Variants in CDH23 observed in about 807,000 individuals in gnomAD.
The protein encoded by CDH23 is cadherin related 23, also known as cadherin-23.
In CDH23, 189 loss-of-function variants were observed where a neutral mutation model predicts 317.1. The ratio of observed to expected loss-of-function variants is 0.60; its 90% confidence interval spans 0.53 to 0.67. The LOEUF is 0.67. CDH23 is among the 30% of genes least tolerant of loss of function. The pLI, the probability that CDH23 is intolerant of heterozygous loss-of-function variation, is 0.00. For missense variants in CDH23, 4,401 were observed against 4,592.4 expected (o/e 0.96, Z 1.20); for synonymous variants, 1,839 against 1,876.8 (o/e 0.98, Z 0.52).
At chr10:71,432,665 A>C (rs1380010399) in intron 1 of CDH23, among the ~76,000 whole-genome samples, 1 of 152,128 alleles carries the variant, frequency 6.6e-6, no homozygotes, top group African/African-American at 2.4e-5. Flanking sequence ...CCTGGGTTTT[A>C]GCCCATTCTG....
chr10:71,790,915 A>G (rs1841233447), intron 46 of CDH23: 1 of 591,864 alleles, frequency 1.7e-6, no homozygotes, highest in Non-Finnish European at 3.0e-6. Flanking sequence ...GGGCACCTGC[A>G]GAGGGGACAA....
Position 71,450,011 on chromosome 10 carries a change from G to A in CDH23, c.145+3616G>A, listed in dbSNP as rs1419321637. ...TGCCTTCTCCTGGTCTGTTCACATC[G>A]CCCTGCTTCCCCAGACAGGGCCCTG... On this transcript the variant is annotated intron_variant, in intron 3 of 69. Transcript: ENST00000224721. 5.9e-5 allele frequency among the ~76,000 whole-genome samples: 9 copies of A among 152,284 alleles called. No homozygotes were observed. In the East Asian group the frequency reaches 1.2e-3, roughly 20 times the overall value.
intron 3 of CDH23, among the ~76,000 whole-genome samples, chr10:71,451,611 G>A (rs1022584003): frequency 3.9e-5 from 6 of 152,172 alleles, no homozygotes; most frequent in Non-Finnish European, 8.8e-5. Flanking sequence ...ACCGCCTCTG[G>A]GTGGCCTTCC....
chr10:71,439,273 G>A (rs1309839267), intron 1 of CDH23, among the ~76,000 whole-genome samples: 2 of 150,054 alleles, frequency 1.3e-5, no homozygotes, highest in African/African-American at 5.0e-5. Context: ...ACAAGGTTAT[G>A]GGATAATGTG....
intron 1 of CDH23, among the ~76,000 whole-genome samples, chr10:71,436,547 A>G (rs1849631986): frequency 6.6e-6 from 1 of 152,224 alleles, no homozygotes; most frequent in South Asian, 2.1e-4. Flanking sequence ...GACCTGGTCA[A>G]TCCTAGAGTG....
At chr10:71,800,403 G>T (rs951717014) in intron 52 of CDH23, among the ~76,000 whole-genome samples, 36 of 152,166 alleles carry the variant, frequency 2.4e-4, no homozygotes, top group South Asian at 6.2e-4. Flanking sequence ...CTATATGCTA[G>T]TTCCTGGTCA....
rs986186314 is a variant in CDH23, at chr10:71,778,436, G to A, written c.5187+128G>A. The A allele has an allele frequency of 1.8e-5, 22 of 1,247,348 alleles. No homozygotes were observed. In the Admixed American group the frequency reaches 3.1e-4, roughly 18 times the overall value. 77.3% of individuals were successfully genotyped at this position (1,247,348 alleles called of 1,614,324 possible). A position where few individuals can be genotyped will look rare whatever the true frequency, so the allele number is the denominator to read the frequency against. On this transcript the variant is annotated intron_variant, in intron 40 of 69. Transcript: ENST00000224721. Reference sequence around the variant, plus strand: ...GGAAATGCCTAAATCCAAGACCCCTGTCCTAATCTCAGCAACTCACTCAAA... The same window carrying A: ...GGAAATGCCTAAATCCAAGACCCCTATCCTAATCTCAGCAACTCACTCAAA...
Position 71,806,235 on chromosome 10 carries a change from C to A in CDH23, c.8132C>A (p.Ala2711Asp). ...PYETMQPLQV[A>D]LEDIDDNEPL... ...GAGACTATGCAGCCGCTGCAGGTGG[C>A]CCTGGAGGACATCGATGACAACGAA... Residue 2711 changes from alanine to aspartate, a missense_variant, in exon 57 of 70, where the codon GCC becomes GAC. Around this residue, in one of 3 missense-constraint regions of CDH23, gnomAD observed 1,144 missense variants for 1,138.2 expected, o/e 1.01. Coordinates refer to ENST00000224721, the MANE Select transcript of CDH23 (RefSeq NM_022124.6). 6.3e-7 allele frequency: 1 copy of A among 1,575,850 alleles called. No homozygotes were observed. Among genetic ancestry groups the A allele is most frequent in the Non-Finnish European group, 8.6e-7 (1 of 1,160,874 alleles).
At chr10:71,690,631 T>G (rs1865155297) in intron 20 of CDH23, 47 bp downstream of exon 20, 6 of 1,361,958 alleles carry the variant, frequency 4.4e-6, no homozygotes, top group Non-Finnish European at 6.2e-6. Flanking sequence ...ACCCTGAGGC[T>G]GACTGTCCAT....
intron 14 of CDH23, among the ~76,000 whole-genome samples, chr10:71,674,695 C>A (rs1420523952): frequency 6.6e-6 from 1 of 152,202 alleles, no homozygotes; most frequent in African/African-American, 2.4e-5. Context: ...ATAATCCTTG[C>A]ATGGATTATG....
At chr10:71,453,749 C>A (rs1280492453) in intron 3 of CDH23, among the ~76,000 whole-genome samples, 6 of 152,206 alleles carry the variant, frequency 3.9e-5, no homozygotes, top group Non-Finnish European at 8.8e-5. Flanking sequence ...GGTCATGGTA[C>A]CCCAGAGCTG....
intron 8 of CDH23, among the ~76,000 whole-genome samples, chr10:71,577,326 C>T (rs1029896747): frequency 6.6e-6 from 1 of 152,040 alleles, no homozygotes; most frequent in African/African-American, 2.4e-5. Flanking sequence ...GCAGGAATTG[C>T]CAGGCACAGT....
intron 11 of CDH23, among the ~76,000 whole-genome samples, chr10:71,628,979 A>G (rs897514227): frequency 2.6e-5 from 4 of 152,182 alleles, no homozygotes; most frequent in Non-Finnish European, 5.9e-5. Flanking sequence ...AAGGTCACAG[A>G]GCGTGGGAAG....
At chr10:71,416,310 C>A (rs1179243509) in intron 1 of CDH23, among the ~76,000 whole-genome samples, 3 of 152,176 alleles carry the variant, frequency 2.0e-5, no homozygotes, top group African/African-American at 7.2e-5. Context: ...CAGGCATAAG[C>A]CACTGTGCCC....
Position 71,815,220 on chromosome 10 carries a change from C to T in CDH23, c.10007C>T (p.Pro3336Leu), listed in dbSNP as rs727504532. ...CGCACAGAATCCGCCAAATCCACAC[C>T]CCTGCACAAACTTCGCGACGTGATC... ...NARTESAKSTPLHKLRDVIME... is the reference protein window; with the variant it reads ...NARTESAKSTLLHKLRDVIME... The change falls in exon 70 of 70, where the codon CCC becomes CTC. Residue 3336 changes from proline to leucine, a missense_variant. This residue lies in a region of CDH23 where 1,144 missense variants were observed against 1,138.2 expected (regional missense o/e 1.01). Coordinates refer to ENST00000224721, the MANE Select transcript of CDH23 (RefSeq NM_022124.6). The T allele has an allele frequency of 9.4e-6, 15 of 1,601,324 alleles. No homozygotes were observed. Among genetic ancestry groups the T allele is most frequent in the Non-Finnish European group, 1.2e-5 (14 of 1,170,708 alleles).
chr10:71,691,659 T>C (rs1260858528), intron 20 of CDH23, among the ~76,000 whole-genome samples: 1 of 152,108 alleles, frequency 6.6e-6, no homozygotes, highest in Non-Finnish European at 1.5e-5. Flanking sequence ...AAAGAGAGCA[T>C]GGGTTGTCAG....
At position 71,634,345 on chromosome 10, in the gene CDH23, G is replaced by C. The variant is rs1239936856; in HGVS notation, c.1135-9516G>C. 3.3e-5 allele frequency among the ~76,000 whole-genome samples: 5 copies of C among 152,224 alleles called. No homozygotes were observed. The East Asian group carries it at 9.6e-4, about 29-fold the overall frequency. On this transcript the variant is annotated intron_variant, in intron 11 of 69. Transcript: ENST00000224721. ...TGCCCTGCATTTTGGACTCTTCTCCGTGCATCTCTGAAAACACTTACACCC... is the reference window on the plus strand; with the variant it reads ...TGCCCTGCATTTTGGACTCTTCTCCCTGCATCTCTGAAAACACTTACACCC...
Position 71,784,890 on chromosome 10 carries a change from G to A in CDH23, c.5503-1G>A. On this transcript the variant is annotated splice_acceptor_variant, in intron 42 of 69. Transcript: ENST00000224721. LOFTEE classifies it high-confidence loss of function. ...CCCTCCTCCTTCTCTGACTGGCCCA[G>A]ATGCTGGTGGGGATCCGGGTGCTGG... 6.2e-7 allele frequency: 1 copy of A among 1,613,598 alleles called. No individual in the cohort carries two copies. Among genetic ancestry groups the A allele is most frequent in the Non-Finnish European group, 8.5e-7 (1 of 1,179,542 alleles).
intron 3 of CDH23, among the ~76,000 whole-genome samples, chr10:71,500,277 A>T (rs867294043): frequency 1.2e-4 from 18 of 152,320 alleles, no homozygotes; most frequent in African/African-American, 3.1e-4. Context: ...AATACATTTT[A>T]AAAAATATAT....
Sources: allele counts gnomAD v4.1 joint callset (sites outside exome capture counted in the v4.1 genomes callset), GRCh38; gene constraint gnomAD v4.1.1; regional missense constraint gnomAD v4.1.1; transcripts MANE v1.5; gene names NCBI Gene and HGNC (gene_info 2026-07-23, HGNC 2026-07-21).